TULP3: variants seen among roughly 807,000 people sequenced by gnomAD.
The protein encoded by TULP3 is TUB like protein 3, also known as tubby-related protein 3.
A neutral mutation model predicts 50.7 loss-of-function variants in TULP3; 38 were observed. The observed-to-expected ratio is 0.75, with a 90% CI of 0.58 to 0.98. The LOEUF (loss-of-function observed/expected upper bound fraction) is 0.98, where lower values mean the gene tolerates loss of function less well. Among genes scored for constraint, TULP3 ranks in the 50% least tolerant of loss-of-function variants. TULP3 has a pLI of 0.00. For missense variants in TULP3, 550 were observed against 568.0 expected (o/e 0.97, Z 0.32); for synonymous variants, 183 against 196.6 (o/e 0.93, Z 0.58).
chr12:2,931,264 A>G (rs767253811), intron 6 of TULP3, 24 bp downstream of exon 6: 33 of 1,608,492 alleles, frequency 2.1e-5, no homozygotes, highest in Non-Finnish European at 2.4e-5. Flanking sequence ...TTTCTAAGAA[A>G]ACTCTTGAGA....
rs148689776 is a variant in TULP3 at position 2,890,939 on chromosome 12, G to T, written c.-9G>T. On this transcript the variant is annotated 5_prime_UTR_variant, in exon 1 of 11. Coordinates refer to ENST00000448120, the MANE Select transcript of TULP3 (RefSeq NM_003324.5). ...TGTGTACGTGGTGGGGGCTTCCTCG[G>T]TGGCGGGCATGGAGGCTTCGCGCTG... 3.9e-5 allele frequency: 63 copies of T among 1,596,188 alleles called. No homozygotes were observed. In the East Asian group the frequency reaches 1.4e-3, roughly 36 times the overall value.
intron 9 of TULP3, 43 bp downstream of exon 9, chr12:2,937,772 C>T (rs2098202287): frequency 7.3e-7 from 1 of 1,373,572 alleles, no homozygotes; most frequent in East Asian, 2.3e-5. Context: ...CTCTAAAAGA[C>T]AGTAGTACAA....
At chr12:2,900,447 G>A (rs1231683958) in intron 1 of TULP3, among the ~76,000 whole-genome samples, 1 of 152,130 alleles carries the variant, frequency 6.6e-6, no homozygotes, top group African/African-American at 2.4e-5. Flanking sequence ...AAAACTGAAA[G>A]GGAATAATGA....
chr12:2,925,041 G>A (rs928933421), intron 4 of TULP3, among the ~76,000 whole-genome samples: 1 of 151,804 alleles, frequency 6.6e-6, no homozygotes, highest in South Asian at 2.1e-4. Context: ...GGTGGCGGGC[G>A]CCTGTAGTCC....
At chr12:2,894,130 G>A (rs1004008642) in intron 1 of TULP3, among the ~76,000 whole-genome samples, 1 of 152,056 alleles carries the variant, frequency 6.6e-6, no homozygotes, top group Non-Finnish European at 1.5e-5. Flanking sequence ...TTGAAGGCGT[G>A]CTTCCCACTG....
intron 4 of TULP3, among the ~76,000 whole-genome samples, chr12:2,929,333 C>A (rs536263994): frequency 3.3e-5 from 5 of 151,982 alleles, no homozygotes; most frequent in Non-Finnish European, 7.4e-5. Flanking sequence ...AAAAAGAGTT[C>A]GGGTGTAATT....
At chr12:2,911,081 C>T (rs567775565) in intron 2 of TULP3, among the ~76,000 whole-genome samples, 1 of 151,300 alleles carries the variant, frequency 6.6e-6, no homozygotes, top group African/African-American at 2.4e-5. Flanking sequence ...TATATAGATA[C>T]ATTTTCTGAG....
intron 1 of TULP3, among the ~76,000 whole-genome samples, chr12:2,905,318 T>TTA (rs2098181579): frequency 1.3e-5 from 2 of 151,514 alleles, no homozygotes; most frequent in South Asian, 4.2e-4. Context: ...CCCGAGTAGC[T>TTA]GGGACAACAG....
At chr12:2,908,144 A>G (rs768604777) in intron 1 of TULP3, among the ~76,000 whole-genome samples, 3 of 152,234 alleles carry the variant, frequency 2.0e-5, no homozygotes, top group Non-Finnish European at 2.9e-5. Flanking sequence ...ATGTAGGAAT[A>G]TAGTGGCACA....
At position 2,921,205 on chromosome 12, in the gene TULP3, C is replaced by G. The variant is rs189781421; in HGVS notation, c.253+283C>G. ...CCAGGCTGGAGTGCAATGGCGCGAT[C>G]TTGGCTCACTGCCAACCTCCTCCTC... On this transcript the variant is annotated intron_variant, in intron 3 of 10. Transcript: ENST00000448120. Among the ~76,000 whole-genome samples the G allele has an allele frequency of 5.5e-3, 830 of 152,252 alleles. 4 individuals carry two copies. Among genetic ancestry groups the G allele is most frequent in the Middle Eastern group, 0.014 (4 of 294 alleles).
At chr12:2,893,651 T>G (rs2098173628) in intron 1 of TULP3, among the ~76,000 whole-genome samples, 1 of 151,230 alleles carries the variant, frequency 6.6e-6, no homozygotes, top group South Asian at 2.1e-4. Flanking sequence ...TGAAATACAT[T>G]GATAGAATTT....
intron 4 of TULP3, among the ~76,000 whole-genome samples, chr12:2,924,900 G>A (rs2098193827): frequency 6.6e-6 from 1 of 152,010 alleles, no homozygotes; most frequent in Admixed American, 6.6e-5. Flanking sequence ...AAATAGGGCT[G>A]GGCGCTATGG....
At chr12:2,905,407 A>T (rs2098181628) in intron 1 of TULP3, among the ~76,000 whole-genome samples, 1 of 151,966 alleles carries the variant, frequency 6.6e-6, no homozygotes, top group Non-Finnish European at 1.5e-5. Flanking sequence ...GATGGTCTCG[A>T]TCTCTTGACC....
At chr12:2,915,544 T>A (rs1159459225) in intron 2 of TULP3, among the ~76,000 whole-genome samples, 1 of 5,824 alleles carries the variant, frequency 1.7e-4, no homozygotes, top group Non-Finnish European at 3.3e-4. Context: ...TTTTTTATTT[T>A]GTTTTTTTTT....
chr12:2,898,591 A>C (rs903806020), intron 1 of TULP3, among the ~76,000 whole-genome samples: 1 of 152,226 alleles, frequency 6.6e-6, no homozygotes, highest in Non-Finnish European at 1.5e-5. Flanking sequence ...ATAATAGGTA[A>C]GTGAATGAAT....
At chr12:2,894,538 AACACACAC>A (rs56834874) in intron 1 of TULP3, among the ~76,000 whole-genome samples, 20 of 147,826 alleles carry the variant, frequency 1.4e-4, no homozygotes, top group African/African-American at 2.5e-4. Context: ...CCGTCTCAAA[AACACACAC>A]ACACACACAC....
At chr12:2,926,035 A>C (rs574197943) in intron 4 of TULP3, among the ~76,000 whole-genome samples, 1 of 152,212 alleles carries the variant, frequency 6.6e-6, no homozygotes, top group Non-Finnish European at 1.5e-5. Flanking sequence ...TGTCCCTGTA[A>C]GTGGGTCCAA....
At chr12:2,930,455 G>A (rs1407133369) in intron 5 of TULP3, 110 bp downstream of exon 5, 8 of 704,124 alleles carry the variant, frequency 1.1e-5, no homozygotes, top group South Asian at 2.4e-5. Context: ...GTGGAGTCTC[G>A]CTCTGTCACC....
At chr12:2,935,843 C>T (rs1355227768) in intron 8 of TULP3, among the ~76,000 whole-genome samples, 1 of 152,072 alleles carries the variant, frequency 6.6e-6, no homozygotes, top group African/African-American at 2.4e-5. Context: ...GTGGCAGTCG[C>T]TGGAGTCCCA....
Sources: allele counts gnomAD v4.1 joint callset (sites outside exome capture counted in the v4.1 genomes callset), GRCh38; gene constraint gnomAD v4.1.1; transcripts MANE v1.5; gene names NCBI Gene and HGNC (gene_info 2026-07-23, HGNC 2026-07-21).